DOCK3: variants seen among roughly 807,000 people sequenced by gnomAD.
The protein encoded by DOCK3 is dedicator of cytokinesis protein 3.
Under a neutral mutation model 265.6 loss-of-function variants are expected in DOCK3, and 60 were observed. The ratio of observed to expected loss-of-function variants is 0.23; its 90% CI spans 0.18 to 0.28. DOCK3 has a LOEUF of 0.28. Ranked by LOEUF, DOCK3 falls within the 10% of genes least tolerant of loss-of-function variation. DOCK3 has a pLI of 1.00. For missense variants in DOCK3, 1,981 were observed against 2,594.3 expected, an observed-to-expected ratio of 0.76 and a Z score of 5.14; for synonymous variants, 881 against 938.0, an observed-to-expected ratio of 0.94 and a Z score of 1.11.
intron 51 of DOCK3, among the ~76,000 whole-genome samples, chr3:51,376,082 G>A (rs1450980953): frequency 4.6e-5 from 7 of 152,140 alleles, no homozygotes; most frequent in African/African-American, 1.7e-4. Flanking sequence ...CTCCTGCCCT[G>A]AGCCCACCTT....
At position 51,180,669 on chromosome 3, in the gene DOCK3, T is replaced by G. The variant is rs561304546; in HGVS notation, c.1037+19967T>G. 4.6e-5 allele frequency among the ~76,000 whole-genome samples: 7 copies of G among 152,348 alleles called. No homozygotes were observed. The South Asian group carries it at 1.0e-3, about 23-fold the overall frequency. On this transcript the variant is annotated intron_variant, in intron 12 of 52. Transcript: ENST00000266037. ...CTTATCTCAAAATCCTTAATTTAAT[T>G]ACATCTGCAAAGACCCTTTTTCCAA...
chr3:51,236,471 G>A (rs574169803), intron 20 of DOCK3, 43 bp downstream of exon 20: 1 of 1,539,818 alleles, frequency 6.5e-7, no homozygotes, highest in Admixed American at 1.9e-5. Flanking sequence ...AATTATTCCT[G>A]TCATATATTT....
intron 7 of DOCK3, among the ~76,000 whole-genome samples, chr3:51,082,102 C>T (rs1001010539): frequency 6.6e-6 from 1 of 151,816 alleles, no homozygotes; most frequent in African/African-American, 2.4e-5. Context: ...AGCAGCCAGC[C>T]CACCCAGGAT....
chr3:50,707,907 G>T (rs1416138351), intron 1 of DOCK3, among the ~76,000 whole-genome samples: 1 of 125,006 alleles, frequency 8.0e-6, no homozygotes, highest in Non-Finnish European at 1.9e-5. Context: ...TATGTGTGTT[G>T]TGGTGGTGGT....
chr3:50,871,301 T>G (rs2047419460), intron 3 of DOCK3, among the ~76,000 whole-genome samples: 1 of 151,898 alleles, frequency 6.6e-6, no homozygotes, highest in South Asian at 2.1e-4. Context: ...GGTAAAAGTT[T>G]TTTTTTTTTT....
chr3:51,021,746 C>G (rs1336077223), intron 5 of DOCK3, among the ~76,000 whole-genome samples: 1 of 150,620 alleles, frequency 6.6e-6, no homozygotes, highest in African/African-American at 2.4e-5. Context: ...ACTGCAACTT[C>G]CGCCTCCTGC....
intron 49 of DOCK3, among the ~76,000 whole-genome samples, chr3:51,364,910 A>G (rs962484162): frequency 6.6e-6 from 1 of 152,128 alleles, no homozygotes; most frequent in Non-Finnish European, 1.5e-5. Context: ...TTGAAGCCAG[A>G]TAGTATGATG....
chr3:51,193,387 G>T (rs1174908170), intron 12 of DOCK3, among the ~76,000 whole-genome samples: 1 of 152,272 alleles, frequency 6.6e-6, no homozygotes, highest in South Asian at 2.1e-4. Flanking sequence ...CGTTGTTGTT[G>T]TTGTGTTCTT....
intron 28 of DOCK3, among the ~76,000 whole-genome samples, chr3:51,310,553 G>T (rs1265628510): frequency 6.6e-6 from 1 of 152,158 alleles, no homozygotes; most frequent in Admixed American, 6.5e-5. Flanking sequence ...CCAGAGAAGG[G>T]TTCTTCCTTG....
At chr3:51,170,941 CA>C (rs146911259) in intron 12 of DOCK3, among the ~76,000 whole-genome samples, 1,098 of 60,034 alleles carry the variant, frequency 0.018, 10 homozygotes, top group African/African-American at 0.031. Flanking sequence ...GACTCCATCT[CA>C]AAAAAAAAAA....
At position 51,276,549 on chromosome 3, in the gene DOCK3, C is replaced by A. The variant is rs149856686; in HGVS notation, c.2677-1059C>A. The A allele has an allele frequency of 9.5e-6, 5 of 524,420 alleles. No individual in the cohort carries two copies. In the African/African-American group the frequency reaches 1.0e-4, roughly 11 times the overall value. The allele number at this position is 524,420 out of a possible 1,614,324, so 32.5% of individuals were successfully genotyped here. A position where few individuals can be genotyped will look rare whatever the true frequency, so the allele number is the denominator to read the frequency against. Reference sequence around the variant, plus strand: ...ATACATCACTGGTAAGTGTTATGATCAGTTCGACAGATAGGAAAGATGACT... The same window carrying A: ...ATACATCACTGGTAAGTGTTATGATAAGTTCGACAGATAGGAAAGATGACT... On this transcript the variant is annotated intron_variant, in intron 25 of 52. Transcript: ENST00000266037.
chr3:50,830,458 G>A (rs970646268), intron 2 of DOCK3, among the ~76,000 whole-genome samples: 8 of 152,210 alleles, frequency 5.3e-5, no homozygotes, highest in South Asian at 2.1e-4. Flanking sequence ...TCCATTCATC[G>A]GTGAGGAATA....
chr3:50,859,001 G>C (rs1458297819), intron 3 of DOCK3, among the ~76,000 whole-genome samples: 1 of 152,008 alleles, frequency 6.6e-6, no homozygotes, highest in Non-Finnish European at 1.5e-5. Flanking sequence ...AGCTCTGTCA[G>C]ACCCGTTAGG....
At chr3:51,278,027 A>G (rs544365439) in intron 26 of DOCK3, 34 of 985,312 alleles carry the variant, frequency 3.5e-5, no homozygotes, top group Middle Eastern at 5.2e-4. Context: ...CATTTTCTAT[A>G]TTGTAGAATG....
At chr3:51,342,697 C>T (rs1231688769) in intron 38 of DOCK3, among the ~76,000 whole-genome samples, 1 of 152,180 alleles carries the variant, frequency 6.6e-6, no homozygotes, top group African/African-American at 2.4e-5. Context: ...TGATGGTCCC[C>T]TATTCATCCC....
At chr3:51,275,302 T>TTG in intron 25 of DOCK3, 96 bp downstream of exon 25, 1 of 1,558,154 alleles carries the variant, frequency 6.4e-7, no homozygotes. Context: ...TTTGTACACT[T>TTG]TTCAGTCACA....
At position 51,016,479 on chromosome 3, in the gene DOCK3, T is replaced by TATATATATCATATATTTCTACATA. The variant is rs2079247342; in HGVS notation, c.316-47960_316-47937dup. On this transcript the variant is annotated intron_variant, in intron 5 of 52. Coordinates refer to ENST00000266037, the MANE Select transcript of DOCK3 (RefSeq NM_004947.5). ...ATATATATCATATATTTCTACATAATATATATATCATATATTTCTACATAA... is the reference window on the plus strand; with the variant it reads ...ATATATATCATATATTTCTACATAATATATATATCATATATTTCTACATAATATATATCATATATTTCTACATAA... Among the ~76,000 whole-genome samples, 49 of 88,882 alleles carry TATATATATCATATATTTCTACATA rather than the reference T, an allele frequency of 5.5e-4. 1 individual carries two copies. Among genetic ancestry groups the TATATATATCATATATTTCTACATA allele is most frequent in the Non-Finnish European group, 7.1e-4 (36 of 50,742 alleles). 58.3% of individuals were successfully genotyped at this position (88,882 alleles called of 152,430 possible). A position where few individuals can be genotyped will look rare whatever the true frequency, so the allele number is the denominator to read the frequency against.
intron 5 of DOCK3, among the ~76,000 whole-genome samples, chr3:51,050,933 A>G (rs1012458470): frequency 7.2e-5 from 11 of 152,238 alleles, no homozygotes. Flanking sequence ...AATGAAAATT[A>G]AAAGTAAAAA....
intron 4 of DOCK3, among the ~76,000 whole-genome samples, chr3:50,928,004 A>G (rs932103264): frequency 3.3e-5 from 5 of 152,008 alleles, no homozygotes; most frequent in African/African-American, 7.2e-5. Context: ...CCTGACCTGC[A>G]TTCTAGAGAG....
Sources: allele counts gnomAD v4.1 joint callset (sites outside exome capture counted in the v4.1 genomes callset), GRCh38; gene constraint gnomAD v4.1.1; transcripts MANE v1.5; gene names NCBI Gene and HGNC (gene_info 2026-07-23, HGNC 2026-07-21).